Variants in FRMD3 observed in about 807,000 individuals in gnomAD.
The protein encoded by FRMD3 is FERM domain-containing protein 3.
In FRMD3, 33 loss-of-function variants were observed where a neutral mutation model predicts 70.2. That is an observed-to-expected ratio of 0.47 (90% confidence interval 0.36 to 0.63). The LOEUF is 0.63. FRMD3 is among the 20% of genes least tolerant of loss of function. The probability of loss-of-function intolerance (pLI) is 0.00; values close to 1 mark genes in which losing one functional copy is unlikely to be tolerated. For missense variants in FRMD3, 632 were observed against 711.4 expected (o/e 0.89, Z 1.27); for synonymous variants, 279 against 255.9 (o/e 1.09, Z -0.86).
chr9:83,478,353 C>T (rs1828448507), intron 1 of FRMD3, among the ~76,000 whole-genome samples: 1 of 152,156 alleles, frequency 6.6e-6, no homozygotes, highest in Non-Finnish European at 1.5e-5. Context: ...GCATACTCTT[C>T]TATCCAGAAA....
At chr9:83,320,946 T>G (rs1031125579) in intron 6 of FRMD3, among the ~76,000 whole-genome samples, 23 of 152,200 alleles carry the variant, frequency 1.5e-4, no homozygotes, top group African/African-American at 4.8e-4. Context: ...TTTATACATT[T>G]CCTCTAGGTT....
chr9:83,375,886 G>A (rs76171721), intron 2 of FRMD3, among the ~76,000 whole-genome samples: 11,429 of 152,180 alleles, frequency 0.075, 491 homozygotes, highest in East Asian at 0.14. Flanking sequence ...AAGACCGGGC[G>A]CAGTGGCTCA....
At chr9:83,486,045 C>T (rs1041414650) in intron 1 of FRMD3, among the ~76,000 whole-genome samples, 1 of 151,754 alleles carries the variant, frequency 6.6e-6, no homozygotes, top group Non-Finnish European at 1.5e-5. Context: ...TATGATGTAT[C>T]ATTAATATGT....
intron 7 of FRMD3, among the ~76,000 whole-genome samples, chr9:83,312,194 G>A (rs910726043): frequency 3.9e-5 from 6 of 152,108 alleles, no homozygotes; most frequent in South Asian, 2.1e-4. Flanking sequence ...TTTGAGGAGC[G>A]GACCTTCTGC....
intron 3 of FRMD3, among the ~76,000 whole-genome samples, chr9:83,371,557 C>A (rs531696455): frequency 2.0e-5 from 3 of 152,220 alleles, no homozygotes; most frequent in African/African-American, 7.2e-5. Context: ...CCTCCTGATC[C>A]GCCTGCCTCA....
intron 10 of FRMD3, among the ~76,000 whole-genome samples, chr9:83,307,078 T>C (rs1439331702): frequency 1.3e-5 from 2 of 152,244 alleles, no homozygotes; most frequent in Admixed American, 6.5e-5. Context: ...AATAAAATCA[T>C]GTCATGGTAG....
intron 10 of FRMD3, among the ~76,000 whole-genome samples, chr9:83,300,907 A>G (rs1411266837): frequency 1.3e-5 from 2 of 152,218 alleles, no homozygotes; most frequent in African/African-American, 2.4e-5. Flanking sequence ...CTTGGTCTTT[A>G]TCGAGAGAAC....
At chr9:83,259,643 C>T (rs373520080) in intron 13 of FRMD3, among the ~76,000 whole-genome samples, 1 of 152,120 alleles carries the variant, frequency 6.6e-6, no homozygotes, top group Non-Finnish European at 1.5e-5. Context: ...AGTTACACCT[C>T]AGGATGGTAG....
chr9:83,361,235 G>A (rs1824574058), intron 3 of FRMD3, among the ~76,000 whole-genome samples: 1 of 151,940 alleles, frequency 6.6e-6, no homozygotes, highest in Admixed American at 6.6e-5. Flanking sequence ...GCTTTTTTTT[G>A]TAAAAAAATA....
intron 5 of FRMD3, among the ~76,000 whole-genome samples, chr9:83,340,703 C>A (rs755997824): frequency 6.6e-6 from 1 of 152,166 alleles, no homozygotes; most frequent in Non-Finnish European, 1.5e-5. Flanking sequence ...CATTGCATGT[C>A]TTAAATATGC....
chr9:83,405,760 C>CA (rs34189949), intron 1 of FRMD3, among the ~76,000 whole-genome samples: 206 of 138,826 alleles, frequency 1.5e-3, no homozygotes, highest in East Asian at 5.4e-3. Flanking sequence ...GAAACTCAGT[C>CA]AAAAAAAAAA....
intron 2 of FRMD3, among the ~76,000 whole-genome samples, chr9:83,379,192 G>A (rs1825281764): frequency 6.6e-6 from 1 of 151,896 alleles, no homozygotes; most frequent in Non-Finnish European, 1.5e-5. Context: ...TCCAATTAGA[G>A]TTATGAGTTG....
intron 1 of FRMD3, among the ~76,000 whole-genome samples, chr9:83,530,155 G>A (rs992638021): frequency 6.6e-6 from 1 of 152,140 alleles, no homozygotes; most frequent in South Asian, 2.1e-4. Context: ...CAAGAGAAAT[G>A]AAACATGTCT....
chr9:83,522,719 C>A (rs921856023), intron 1 of FRMD3, among the ~76,000 whole-genome samples: 5 of 151,672 alleles, frequency 3.3e-5, no homozygotes, highest in Non-Finnish European at 7.4e-5. Context: ...GCCCGCCACC[C>A]CGCCCGGCTA....
At chr9:83,331,813 A>C in intron 6 of FRMD3, 1 of 717,142 alleles carries the variant, frequency 1.4e-6, no homozygotes, top group Non-Finnish European at 2.6e-6. Flanking sequence ...TGTGAGGGCC[A>C]TTAAGGGCTG....
intron 1 of FRMD3, among the ~76,000 whole-genome samples, chr9:83,536,456 A>T (rs79499159): frequency 2.6e-5 from 4 of 152,160 alleles, no homozygotes; most frequent in Non-Finnish European, 2.9e-5. Context: ...TCATCTACAC[A>T]TTCATTATGG....
At chr9:83,261,102 G>GACACACAC (rs59345002) in intron 13 of FRMD3, among the ~76,000 whole-genome samples, 15,365 of 132,918 alleles carry the variant, frequency 0.12, 1,054 homozygotes, top group South Asian at 0.15. Flanking sequence ...AGGAAACTTA[G>GACACACAC]ACACACACAC....
chr9:83,568,615 A>G, the FRMD3 span, among the ~76,000 whole-genome samples: 2 of 152,276 alleles, frequency 1.3e-5, no homozygotes, highest in South Asian at 4.2e-4. Context: ...TAGAGAGTAG[A>G]ACAATGGTCA....
the FRMD3 span, among the ~76,000 whole-genome samples, chr9:83,562,901 C>G: frequency 6.6e-6 from 1 of 150,952 alleles, no homozygotes; most frequent in African/African-American, 2.5e-5. Flanking sequence ...GCCCCCCCCC[C>G]AGCACAGAGT....
Sources: allele counts gnomAD v4.1 joint callset (sites outside exome capture counted in the v4.1 genomes callset), GRCh38; gene constraint gnomAD v4.1.1; transcripts MANE v1.5; gene names NCBI Gene and HGNC (gene_info 2026-07-23, HGNC 2026-07-21).